Variants in CNTN3 observed in about 807,000 individuals in gnomAD.
CNTN3 encodes the protein contactin-3.
In CNTN3, 60 loss-of-function variants were observed where a neutral mutation model predicts 119.1. The observed-to-expected ratio is 0.50, with a 90% CI of 0.41 to 0.62. The LOEUF (loss-of-function observed/expected upper bound fraction) is 0.62. Among genes scored for constraint, CNTN3 ranks in the 20% least tolerant of loss-of-function variants. CNTN3 has a pLI of 0.00. For synonymous variants in CNTN3, 450 were observed against 438.7 expected (o/e 1.03, Z -0.32); for missense variants, 1,101 against 1,242.4 (o/e 0.89, Z 1.71).
chr3:74,266,253 G>A (rs1434485895), intron 22 of CNTN3, among the ~76,000 whole-genome samples: 5 of 152,030 alleles, frequency 3.3e-5, no homozygotes. Context: ...ATGAAGTTTT[G>A]CTAAATATTT....
chr3:74,442,249 A>G lies in CNTN3; in HGVS notation c.359-17309T>C, dbSNP rs1701980088. On this transcript the variant is annotated intron_variant, in intron 4 of 22. Coordinates refer to ENST00000263665, the MANE Select transcript of CNTN3 (RefSeq NM_020872.3). Reference sequence around the variant, plus strand: ...TACTTATGGTGGCCTACCACCATAAATCAGTCTCTTCTCCTCTGGCTAAAT... The same window carrying G: ...TACTTATGGTGGCCTACCACCATAAGTCAGTCTCTTCTCCTCTGGCTAAAT... Among the ~76,000 whole-genome samples the G allele has an allele frequency of 2.6e-5, 4 of 151,956 alleles. No individual in the cohort carries two copies. The East Asian group carries it at 5.8e-4, about 22-fold the overall frequency.
At chr3:74,382,725 T>A (rs1704651860) in intron 5 of CNTN3, among the ~76,000 whole-genome samples, 1 of 152,192 alleles carries the variant, frequency 6.6e-6, no homozygotes, top group Admixed American at 6.5e-5. Context: ...CTTAAGAATA[T>A]TCCACCATGT....
intron 1 of CNTN3, among the ~76,000 whole-genome samples, chr3:74,601,753 T>G (rs562702878): frequency 9.9e-5 from 15 of 152,256 alleles, no homozygotes; most frequent in African/African-American, 2.9e-4. Context: ...TTGGCCATGT[T>G]TTTTTGTTAT....
At chr3:74,449,045 T>TC (rs1237258201) in intron 4 of CNTN3, among the ~76,000 whole-genome samples, 4 of 152,096 alleles carry the variant, frequency 2.6e-5, no homozygotes, top group Non-Finnish European at 5.9e-5. Context: ...TTAAATAGTC[T>TC]CCTTCTATTT....
intron 2 of CNTN3, among the ~76,000 whole-genome samples, chr3:74,500,666 A>C (rs867271706): frequency 1.3e-5 from 2 of 152,104 alleles, no homozygotes; most frequent in Admixed American, 6.6e-5. Flanking sequence ...AGCAGCAAAA[A>C]AGGCCCTAAA....
intron 1 of CNTN3, among the ~76,000 whole-genome samples, chr3:74,523,197 A>G (rs1703567698): frequency 6.6e-6 from 1 of 151,906 alleles, no homozygotes; most frequent in East Asian, 1.9e-4. Flanking sequence ...GATTTAATTT[A>G]TAACTGGCAG....
At chr3:74,559,187 T>A (rs1429172946) in intron 1 of CNTN3, among the ~76,000 whole-genome samples, 1 of 152,048 alleles carries the variant, frequency 6.6e-6, no homozygotes, top group African/African-American at 2.4e-5. Flanking sequence ...TTACAAAGTT[T>A]CCTTGTCTAC....
chr3:74,388,194 C>T lies in CNTN3; in HGVS notation c.455-16795G>A, dbSNP rs1219125765. Among the ~76,000 whole-genome samples, 4 of 152,058 alleles carry T rather than the reference C, an allele frequency of 2.6e-5. No individual in the cohort carries two copies. The South Asian group carries it at 8.3e-4, about 32-fold the overall frequency. On this transcript the variant is annotated intron_variant, in intron 5 of 22. Transcript: ENST00000263665. ...TGTTTCTCAAAAAGTGAGCACCTAACATACAGCAAAAACCAGTTAACAATG... is the reference window on the plus strand; with the variant it reads ...TGTTTCTCAAAAAGTGAGCACCTAATATACAGCAAAAACCAGTTAACAATG...
chr3:74,444,067 A>T (rs1304875615), intron 4 of CNTN3, among the ~76,000 whole-genome samples: 1 of 152,068 alleles, frequency 6.6e-6, no homozygotes, highest in Non-Finnish European at 1.5e-5. Context: ...TTGTAGATGC[A>T]TCACTATAAT....
chr3:74,421,229 G>GGT (rs1186971705), intron 5 of CNTN3, among the ~76,000 whole-genome samples: 2 of 151,954 alleles, frequency 1.3e-5, no homozygotes, highest in East Asian at 3.9e-4. Flanking sequence ...GGAGTGCAGT[G>GGT]GTATGATCAG....
At chr3:74,493,221 T>C (rs887997041) in intron 3 of CNTN3, among the ~76,000 whole-genome samples, 1 of 152,156 alleles carries the variant, frequency 6.6e-6, no homozygotes, top group Non-Finnish European at 1.5e-5. Flanking sequence ...TATGTTGTCA[T>C]TGCTATAATT....
chr3:74,573,408 G>A (rs1181114383), intron 1 of CNTN3, among the ~76,000 whole-genome samples: 1 of 151,930 alleles, frequency 6.6e-6, no homozygotes, highest in Non-Finnish European at 1.5e-5. Flanking sequence ...ATTAGGAAAT[G>A]GTTTCTCAGA....
At chr3:74,342,332 G>A (rs1294884839) in intron 11 of CNTN3, among the ~76,000 whole-genome samples, 1 of 151,996 alleles carries the variant, frequency 6.6e-6, no homozygotes, top group Non-Finnish European at 1.5e-5. Context: ...TAGTATTAGC[G>A]TTTTTATTCT....
chr3:74,280,394 G>T (rs997676900), intron 20 of CNTN3, among the ~76,000 whole-genome samples: 1 of 152,188 alleles, frequency 6.6e-6, no homozygotes, highest in African/African-American at 2.4e-5. Flanking sequence ...TTCCAGGGGA[G>T]TCTGGGCATG....
chr3:74,398,942 T>C (rs2106845036), intron 5 of CNTN3, among the ~76,000 whole-genome samples: 1 of 152,344 alleles, frequency 6.6e-6, no homozygotes, highest in African/African-American at 2.4e-5. Flanking sequence ...GATATTGCAA[T>C]ACATACAATG....
intron 1 of CNTN3, among the ~76,000 whole-genome samples, chr3:74,575,137 C>G (rs954982383): frequency 2.0e-5 from 3 of 151,994 alleles, no homozygotes; most frequent in Non-Finnish European, 4.4e-5. Context: ...GTTGCCCAAG[C>G]TGGTCTTGAA....
chr3:74,610,340 A>T (rs985310538), intron 1 of CNTN3, among the ~76,000 whole-genome samples: 1 of 151,396 alleles, frequency 6.6e-6, no homozygotes, highest in Non-Finnish European at 1.5e-5. Flanking sequence ...AAAAATGAAA[A>T]AAAAAACCCT....
chr3:74,370,829 C>G (rs1704317404), intron 6 of CNTN3, among the ~76,000 whole-genome samples: 1 of 152,086 alleles, frequency 6.6e-6, no homozygotes. Context: ...AAACCTCAAG[C>G]TGGCAAAAGT....
chr3:74,288,737 T>C (rs757189728), intron 19 of CNTN3, among the ~76,000 whole-genome samples: 2 of 152,188 alleles, frequency 1.3e-5, no homozygotes, highest in Non-Finnish European at 2.9e-5. Context: ...AAATGGACTG[T>C]AGATACTGCA....
Sources: gnomAD v4.1 joint callset for allele counts (sites outside exome capture counted in the v4.1 genomes callset) on GRCh38, gnomAD v4.1.1 for gene constraint, MANE v1.5 for transcripts, NCBI Gene and HGNC (gene_info 2026-07-23, HGNC 2026-07-21) for gene names.